The following SH3BGRL2 variants were observed in gnomAD, a reference collection of about 807,000 sequenced individuals.
SH3BGRL2 encodes the protein SH3 domain binding glutamate rich protein like 2, also known as SH3 domain-binding glutamic acid-rich-like protein 2.
SH3BGRL2 carries 21 observed loss-of-function variants against 14.8 expected under a neutral mutation model. The observed-to-expected ratio is 1.42, with a 90% CI of 1.01 to 2.05. SH3BGRL2 has a LOEUF of 2.05. SH3BGRL2 is among the 30% of genes most tolerant of loss of function. The probability of loss-of-function intolerance (pLI) is 0.00; values close to 1 mark genes in which losing one functional copy is unlikely to be tolerated. For missense variants in SH3BGRL2, 147 were observed against 130.8 expected (o/e 1.12, Z -0.61); for synonymous variants, 50 against 47.8 (o/e 1.05, Z -0.19).
chr6:79,644,399 G>A (rs559202473), intron 1 of SH3BGRL2, among the ~76,000 whole-genome samples: 15 of 152,264 alleles, frequency 9.9e-5, no homozygotes, highest in Non-Finnish European at 2.2e-4. Flanking sequence ...TGGTAGGGAG[G>A]AGGCCTGCAG....
chr6:79,594,544 TG>T, the SH3BGRL2 span, among the ~76,000 whole-genome samples: 1 of 151,912 alleles, frequency 6.6e-6, no homozygotes, highest in Non-Finnish European at 1.5e-5. Flanking sequence ...TGCTTGGGCG[TG>T]GGTGTCAGAT....
At chr6:79,652,206 A>G (rs1171043816) in intron 1 of SH3BGRL2, among the ~76,000 whole-genome samples, 3 of 152,150 alleles carry the variant, frequency 2.0e-5, no homozygotes, top group African/African-American at 7.2e-5. Flanking sequence ...CTTTAAAGTG[A>G]AGACTCAGAA....
At chr6:79,683,368 G>A (rs1156501928) in intron 2 of SH3BGRL2, among the ~76,000 whole-genome samples, 1 of 152,098 alleles carries the variant, frequency 6.6e-6, no homozygotes, top group African/African-American at 2.4e-5. Context: ...AGGCTTTGAG[G>A]GCCATGTAGT....
Position 79,699,493 on chromosome 6 carries a change from TATAG to T in SH3BGRL2, c.313-4_313-1del. ...TTTTTTTTTTTTTTTTTTTTTTTTT[TATAG>T]GCAGAACCTTAGAGAAGAAGAGTGG... On this transcript the variant is annotated splice_acceptor_variant and splice_polypyrimidine_tract_variant and intron_variant, in intron 3 of 3. Coordinates refer to ENST00000369838, the MANE Select transcript of SH3BGRL2 (RefSeq NM_031469.4). LOFTEE classifies it high-confidence loss of function. 2 of 1,407,118 alleles carry T rather than the reference TATAG, an allele frequency of 1.4e-6. No homozygotes were observed. The highest frequency in any genetic ancestry group is 1.9e-6 in the Non-Finnish European group (2 of 1,072,452). The allele number at this position is 1,407,118 out of a possible 1,614,324, so 87.2% of individuals were successfully genotyped here. A position where few individuals can be genotyped will look rare whatever the true frequency, so the allele number is the denominator to read the frequency against.
At chr6:79,683,982 G>A (rs540897372) in intron 2 of SH3BGRL2, among the ~76,000 whole-genome samples, 1 of 152,288 alleles carries the variant, frequency 6.6e-6, no homozygotes, top group African/African-American at 2.4e-5. Context: ...CAGTAATAAT[G>A]TGTTACTAGA....
chr6:79,682,909 A>T (rs1770015339), intron 2 of SH3BGRL2, among the ~76,000 whole-genome samples: 1 of 152,216 alleles, frequency 6.6e-6, no homozygotes, highest in Non-Finnish European at 1.5e-5. Context: ...AGGGACATGG[A>T]TGAAGCTGGA....
chr6:79,683,779 G>A lies in SH3BGRL2; in HGVS notation c.231+9980G>A, dbSNP rs150826730. 2.9e-4 allele frequency among the ~76,000 whole-genome samples: 44 copies of A among 152,244 alleles called. 2 individuals are homozygous for A. In the East Asian group the frequency reaches 7.0e-3, roughly 24 times the overall value. On this transcript the variant is annotated intron_variant, in intron 2 of 3. Transcript: ENST00000369838. ...TCCTTCTTAGCTCACAGTCCCTTCC[G>A]TAGTCTGCCCCTGCTCTGGACATTC...
At chr6:79,694,669 C>A (rs2127739361) in intron 2 of SH3BGRL2, among the ~76,000 whole-genome samples, 1 of 152,264 alleles carries the variant, frequency 6.6e-6, no homozygotes, top group East Asian at 1.9e-4. Flanking sequence ...CTCCAACCTT[C>A]CCTTCAGATT....
intron 1 of SH3BGRL2, among the ~76,000 whole-genome samples, chr6:79,671,150 G>T (rs1769763936): frequency 1.3e-5 from 2 of 152,028 alleles, no homozygotes; most frequent in South Asian, 4.1e-4. Context: ...TGAGTTGAAG[G>T]TACCTTCCAC....
At chr6:79,635,891 C>T (rs1033065131) in intron 1 of SH3BGRL2, among the ~76,000 whole-genome samples, 9 of 152,128 alleles carry the variant, frequency 5.9e-5, no homozygotes, top group Admixed American at 5.2e-4. Context: ...CACACAATTA[C>T]CAGGTAAGGT....
At chr6:79,678,881 G>T (rs1181423624) in intron 2 of SH3BGRL2, among the ~76,000 whole-genome samples, 1 of 152,142 alleles carries the variant, frequency 6.6e-6, no homozygotes, top group African/African-American at 2.4e-5. Flanking sequence ...TTGGTTTTCT[G>T]TTCCTGTGTT....
the SH3BGRL2 span, among the ~76,000 whole-genome samples, chr6:79,550,859 T>G: frequency 6.6e-6 from 1 of 152,200 alleles, no homozygotes; most frequent in Non-Finnish European, 1.5e-5. Flanking sequence ...CCTGTCTCAT[T>G]TGTACTTCAG....
intron 2 of SH3BGRL2, among the ~76,000 whole-genome samples, chr6:79,691,426 A>G (rs930501647): frequency 6.0e-5 from 9 of 150,974 alleles, no homozygotes; most frequent in African/African-American, 2.2e-4. Flanking sequence ...ACATATGTAT[A>G]CATGTGCCAT....
the SH3BGRL2 span, among the ~76,000 whole-genome samples, chr6:79,597,341 G>A: frequency 2.9e-4 from 40 of 135,990 alleles, no homozygotes; most frequent in African/African-American, 7.8e-4. Flanking sequence ...AAAGAAAAAA[G>A]AAAAGAAAGA....
the SH3BGRL2 span, among the ~76,000 whole-genome samples, chr6:79,614,420 C>A: frequency 6.6e-6 from 1 of 152,078 alleles, no homozygotes; most frequent in Non-Finnish European, 1.5e-5. Flanking sequence ...AAGGGATTTC[C>A]CCAGGGCACT....
chr6:79,577,095 T>G, the SH3BGRL2 span, among the ~76,000 whole-genome samples: 66 of 152,326 alleles, frequency 4.3e-4, no homozygotes, highest in Non-Finnish European at 8.7e-4. Context: ...AAAAATAACT[T>G]GTCAGTTGTC....
the SH3BGRL2 span, chr6:79,573,821 C>CA: frequency 6.6e-6 from 1 of 151,946 alleles, no homozygotes; most frequent in Non-Finnish European, 1.5e-5. Context: ...GAATGTATTA[C>CA]TATGTTTAAC....
the SH3BGRL2 span, among the ~76,000 whole-genome samples, chr6:79,600,387 G>T: frequency 5.3e-5 from 8 of 152,078 alleles, no homozygotes; most frequent in African/African-American, 1.9e-4. Flanking sequence ...GAGCTTAGCC[G>T]TGAGCCCAGA....
At chr6:79,604,041 G>T in the SH3BGRL2 span, among the ~76,000 whole-genome samples, 1 of 152,140 alleles carries the variant, frequency 6.6e-6, no homozygotes, top group Non-Finnish European at 1.5e-5. Flanking sequence ...CTGACCTCAG[G>T]TGTTCTACCT....
Sources: allele counts gnomAD v4.1 joint callset (sites outside exome capture counted in the v4.1 genomes callset), GRCh38; gene constraint gnomAD v4.1.1; transcripts MANE v1.5; gene names NCBI Gene and HGNC (gene_info 2026-07-23, HGNC 2026-07-21).